IL22RA2: variants seen among roughly 807,000 people sequenced by gnomAD.
IL22RA2 encodes the protein interleukin-22 receptor subunit alpha-2.
Under a neutral mutation model 30.7 loss-of-function variants are expected in IL22RA2, and 39 were observed. That is an observed-to-expected ratio of 1.27 (90% CI 0.98 to 1.66). IL22RA2 has a LOEUF of 1.66. Among genes scored for constraint, IL22RA2 ranks in the 40% most tolerant of loss-of-function variants. The probability of loss-of-function intolerance (pLI) is 0.00; values close to 1 mark genes in which losing one functional copy is unlikely to be tolerated. For synonymous variants in IL22RA2, 103 were observed against 105.0 expected (o/e 0.98, Z 0.11); for missense variants, 315 against 312.7 (o/e 1.01, Z -0.05).
At chr6:137,151,419 A>G (rs1230122838) in intron 5 of IL22RA2, among the ~76,000 whole-genome samples, 1 of 152,236 alleles carries the variant, frequency 6.6e-6, no homozygotes, top group African/African-American at 2.4e-5. Context: ...CTCAAAATGA[A>G]TCAGACTTAA....
intron 2 of IL22RA2, among the ~76,000 whole-genome samples, chr6:137,159,872 C>T (rs1778487168): frequency 1.3e-5 from 2 of 152,220 alleles, no homozygotes; most frequent in Admixed American, 6.5e-5. Context: ...CTTCCAAGCC[C>T]ATGGTCTCAG....
intron 1 of IL22RA2, among the ~76,000 whole-genome samples, chr6:137,164,820 C>T (rs182934697): frequency 7.5e-4 from 114 of 152,336 alleles, no homozygotes; most frequent in African/African-American, 2.6e-3. Context: ...GGGAGAACAG[C>T]TCTTCTTTTA....
intron 1 of IL22RA2, among the ~76,000 whole-genome samples, chr6:137,163,562 A>G (rs1562273311): frequency 6.6e-6 from 1 of 152,168 alleles, no homozygotes; most frequent in Non-Finnish European, 1.5e-5. Flanking sequence ...GGGTTGCAGG[A>G]CAGTCACAAG....
At chr6:137,146,519 C>A (rs1778182970) in intron 6 of IL22RA2, among the ~76,000 whole-genome samples, 1 of 152,216 alleles carries the variant, frequency 6.6e-6, no homozygotes, top group Non-Finnish European at 1.5e-5. Context: ...CGTCCTGCCT[C>A]TGTCCCTGAG....
chr6:137,156,795 A>G lies in IL22RA2; in HGVS notation c.257T>C (p.Ile86Thr), dbSNP rs2114370614. Residue 86 changes from isoleucine to threonine, a missense_variant, in exon 4 of 7, where the codon ATT becomes ACT. Coordinates refer to ENST00000296980, the MANE Select transcript of IL22RA2 (RefSeq NM_052962.3). ...TCTGCAGCCTGGGAAGTTACAAGAA[A>G]TGTGCTGCCAGCATCCACTTGGCTT... ...HQKPSGCWQH[I>T]SCNFPGCRTL... 1 of 1,613,938 alleles carries G rather than the reference A, an allele frequency of 6.2e-7. No homozygotes were observed.
At chr6:137,147,454 A>T (rs991508049) in intron 6 of IL22RA2, among the ~76,000 whole-genome samples, 2 of 152,028 alleles carry the variant, frequency 1.3e-5, no homozygotes, top group Non-Finnish European at 2.9e-5. Flanking sequence ...TGTGGCAGTC[A>T]CATGCAATTA....
At chr6:137,165,567 T>A (rs1169710146) in intron 1 of IL22RA2, among the ~76,000 whole-genome samples, 1 of 152,092 alleles carries the variant, frequency 6.6e-6, no homozygotes, top group African/African-American at 2.4e-5. Flanking sequence ...GCGGTCATGA[T>A]AGAGGACAAA....
chr6:137,158,508 A>G (rs1778456984), intron 2 of IL22RA2, 26 bp from the exon 3 acceptor site: 1 of 1,612,896 alleles, frequency 6.2e-7, no homozygotes, highest in African/African-American at 1.3e-5. Context: ...AAGGAAGAAC[A>G]TTGAACGTTG....
chr6:137,147,186 CAAAAAAAAAAAAA>C (rs11313927), intron 6 of IL22RA2, among the ~76,000 whole-genome samples: 14 of 70,866 alleles, frequency 2.0e-4, no homozygotes, highest in Admixed American at 1.5e-3. Context: ...CTTGCCTCTA[CAAAAAAAAAAAAA>C]AAAAAAAAAA....
At chr6:137,148,234 T>TTTGG (rs1453434598) in intron 5 of IL22RA2, among the ~76,000 whole-genome samples, 2 of 152,218 alleles carry the variant, frequency 1.3e-5, no homozygotes, top group South Asian at 2.1e-4. Flanking sequence ...TGTTTGTTTG[T>TTTGG]TTGGTTGGTT....
intron 6 of IL22RA2, among the ~76,000 whole-genome samples, chr6:137,146,158 A>G (rs888228450): frequency 6.6e-6 from 1 of 152,068 alleles, no homozygotes; most frequent in Non-Finnish European, 1.5e-5. Context: ...CAGCCTCCTG[A>G]GTAGCTGGGA....
intron 5 of IL22RA2, among the ~76,000 whole-genome samples, chr6:137,151,305 A>G (rs771330594): frequency 4.6e-5 from 7 of 152,156 alleles, no homozygotes; most frequent in African/African-American, 1.4e-4. Context: ...TGTGCCAAGA[A>G]CTCTCAATGG....
At chr6:137,171,794 G>A (rs1778740189) in intron 1 of IL22RA2, among the ~76,000 whole-genome samples, 1 of 152,210 alleles carries the variant, frequency 6.6e-6, no homozygotes, top group Non-Finnish European at 1.5e-5. Flanking sequence ...TTATTGGAGG[G>A]CAGTTGCGCT....
At chr6:137,147,272 G>A (rs1388736216) in intron 6 of IL22RA2, among the ~76,000 whole-genome samples, 1 of 149,054 alleles carries the variant, frequency 6.7e-6, no homozygotes, top group Non-Finnish European at 1.5e-5. Flanking sequence ...TGAAGAAGGA[G>A]GACCACTTAA....
chr6:137,155,072 TGA>T lies in IL22RA2; in HGVS notation c.339_340del (p.Gln114ArgfsTer5). The T allele has an allele frequency of 6.2e-7, 1 of 1,612,230 alleles. No homozygotes were observed. Among genetic ancestry groups the T allele is most frequent in the Non-Finnish European group, 8.5e-7 (1 of 1,179,014 alleles). On this transcript the variant is annotated frameshift_variant, in exon 5 of 7. Transcript: ENST00000296980. LOFTEE classifies it high-confidence loss of function. ...ACTGGTAAGGTCACAAGAGAGTTCTTGAGTACCCCAACAGTCTTCTTTATTTT... is the reference window on the plus strand; with the variant it reads ...ACTGGTAAGGTCACAAGAGAGTTCTTGTACCCCAACAGTCTTCTTTATTTT...
At chr6:137,146,010 A>G (rs1386591347) in intron 6 of IL22RA2, among the ~76,000 whole-genome samples, 1 of 152,108 alleles carries the variant, frequency 6.6e-6, no homozygotes, top group African/African-American at 2.4e-5. Flanking sequence ...GGTTGACCCC[A>G]TGGTCAGAGT....
rs1409897591 is a variant in IL22RA2, at chr6:137,145,413, AT to A, written c.*210del. On this transcript the variant is annotated 3_prime_UTR_variant, in exon 7 of 7. Coordinates refer to ENST00000296980, the MANE Select transcript of IL22RA2 (RefSeq NM_052962.3). ...TTCTCTGCCTCATCTTTACATTTCA[AT>A]TTTTCGGGGGGAATGTCGTTCAAAT... The A allele has an allele frequency of 2.3e-6, 1 of 443,682 alleles. No individual in the cohort carries two copies. The highest frequency in any genetic ancestry group is 3.9e-6 in the Non-Finnish European group (1 of 256,034). 27.5% of individuals were successfully genotyped at this position (443,682 alleles called of 1,614,324 possible). A position where few individuals can be genotyped will look rare whatever the true frequency, so the allele number is the denominator to read the frequency against.
chr6:137,148,173 T>G (rs1056269707), intron 5 of IL22RA2, among the ~76,000 whole-genome samples: 15 of 152,200 alleles, frequency 9.9e-5, no homozygotes, highest in Non-Finnish European at 1.9e-4. Flanking sequence ...GATGGAAACA[T>G]ACAAATTACT....
intron 5 of IL22RA2, among the ~76,000 whole-genome samples, chr6:137,153,964 T>C (rs1778345255): frequency 6.6e-6 from 1 of 152,210 alleles, no homozygotes; most frequent in South Asian, 2.1e-4. Flanking sequence ...GTTGCAATTA[T>C]GAGGACTGTG....
Sources: gnomAD v4.1 joint callset for allele counts (sites outside exome capture counted in the v4.1 genomes callset) on GRCh38, gnomAD v4.1.1 for gene constraint, MANE v1.5 for transcripts, NCBI Gene and HGNC (gene_info 2026-07-23, HGNC 2026-07-21) for gene names.